Variants in C1orf87 observed in about 807,000 individuals in gnomAD.
The protein encoded by C1orf87 is chromosome 1 open reading frame 87, also known as uncharacterized protein C1orf87.
A neutral mutation model predicts 60.5 loss-of-function variants in C1orf87; 58 were observed. The ratio of observed to expected loss-of-function variants is 0.96; its 90% CI spans 0.78 to 1.19. The LOEUF (loss-of-function observed/expected upper bound fraction) is 1.19, where lower values mean the gene tolerates loss of function less well. Among genes scored for constraint, C1orf87 ranks in the 50% most tolerant of loss-of-function variants. The pLI is 0.00. For synonymous variants in C1orf87, 236 were observed against 227.4 expected (o/e 1.04, Z -0.34); for missense variants, 673 against 638.6 (o/e 1.05, Z -0.58).
chr1:59,992,956 C>T (rs939427855), intron 11 of C1orf87, among the ~76,000 whole-genome samples: 15 of 152,176 alleles, frequency 9.9e-5, no homozygotes, highest in African/African-American at 2.4e-5. Flanking sequence ...TGGCCAATTG[C>T]ATCTTCGAAG....
At chr1:60,022,755 TG>T (rs1557464272) in intron 8 of C1orf87, among the ~76,000 whole-genome samples, 1 of 152,074 alleles carries the variant, frequency 6.6e-6, no homozygotes, top group Non-Finnish European at 1.5e-5. Flanking sequence ...ACTACTTTTT[TG>T]CTTTGAGGCT....
chr1:60,008,748 A>G (rs1645063403), intron 9 of C1orf87: 4 of 451,276 alleles, frequency 8.9e-6, no homozygotes, highest in South Asian at 6.3e-5. Context: ...ACATCACTTC[A>G]ATGGTCTCCT....
intron 2 of C1orf87, among the ~76,000 whole-genome samples, chr1:60,060,469 C>G (rs1055139000): frequency 6.6e-6 from 1 of 152,146 alleles, no homozygotes; most frequent in Non-Finnish European, 1.5e-5. Context: ...TTTATACACA[C>G]ACTCCTCATC....
intron 7 of C1orf87, among the ~76,000 whole-genome samples, chr1:60,026,809 G>A (rs746020681): frequency 6.6e-6 from 1 of 152,064 alleles, no homozygotes; most frequent in Admixed American, 6.5e-5. Flanking sequence ...AGTGCTGACA[G>A]GTCACCACAA....
At chr1:60,039,429 G>A (rs1645301968) in intron 5 of C1orf87, among the ~76,000 whole-genome samples, 1 of 152,204 alleles carries the variant, frequency 6.6e-6, no homozygotes, top group East Asian at 1.9e-4. Context: ...TTAGCATGGT[G>A]TCTGCCATTA....
intron 2 of C1orf87, among the ~76,000 whole-genome samples, chr1:60,057,780 G>C (rs958024748): frequency 1.2e-4 from 19 of 152,190 alleles, no homozygotes; most frequent in Non-Finnish European, 4.4e-5. Context: ...CTGAATTAAG[G>C]GCAGATGGTT....
chr1:60,027,548 T>C (rs1054550062), intron 7 of C1orf87, among the ~76,000 whole-genome samples: 6 of 152,194 alleles, frequency 3.9e-5, no homozygotes, highest in Non-Finnish European at 8.8e-5. Context: ...AGTCATCTCA[T>C]CTCCTGATCT....
intron 7 of C1orf87, among the ~76,000 whole-genome samples, chr1:60,025,753 A>G (rs1645194555): frequency 6.6e-6 from 1 of 152,184 alleles, no homozygotes; most frequent in Non-Finnish European, 1.5e-5. Context: ...CTCAGAAGTC[A>G]CTGGGGTTTG....
At chr1:59,999,625 A>G (rs934430043) in intron 10 of C1orf87, among the ~76,000 whole-genome samples, 2 of 152,146 alleles carry the variant, frequency 1.3e-5, no homozygotes, top group African/African-American at 4.8e-5. Flanking sequence ...GTAACTAACA[A>G]TGTAACTAAT....
At chr1:59,995,875 C>T (rs1644960137) in intron 11 of C1orf87, among the ~76,000 whole-genome samples, 1 of 152,166 alleles carries the variant, frequency 6.6e-6, no homozygotes, top group Non-Finnish European at 1.5e-5. Context: ...TGTTTGTTTA[C>T]TGGCACTGAA....
intron 8 of C1orf87, among the ~76,000 whole-genome samples, chr1:60,013,103 ATGATG>A (rs1645100439): frequency 6.6e-6 from 1 of 152,116 alleles, no homozygotes; most frequent in Admixed American, 6.6e-5. Flanking sequence ...TTTTGTTGGA[ATGATG>A]TGAATACATT....
At chr1:60,049,417 T>C (rs1230201969) in intron 3 of C1orf87, among the ~76,000 whole-genome samples, 2 of 152,134 alleles carry the variant, frequency 1.3e-5, no homozygotes, top group African/African-American at 4.8e-5. Context: ...GAACTGCCTG[T>C]TCATGTATTT....
intron 3 of C1orf87, among the ~76,000 whole-genome samples, chr1:60,043,353 G>A (rs1383445695): frequency 1.3e-5 from 2 of 152,088 alleles, no homozygotes; most frequent in African/African-American, 4.8e-5. Flanking sequence ...ACTAGGATGA[G>A]GGAGATTCAC....
chr1:60,064,777 A>G (rs1333741037), intron 2 of C1orf87, among the ~76,000 whole-genome samples: 2 of 94,936 alleles, frequency 2.1e-5, no homozygotes, highest in Non-Finnish European at 3.7e-5. Flanking sequence ...TATATTTAAT[A>G]TATAAATATA....
chr1:60,008,781 A>G, intron 9 of C1orf87: 1 of 436,728 alleles, frequency 2.3e-6, no homozygotes, highest in South Asian at 1.6e-5. Flanking sequence ...GATGCTTTGT[A>G]AGAGATCCAA....
intron 7 of C1orf87, among the ~76,000 whole-genome samples, chr1:60,030,631 T>C (rs1316136063): frequency 6.6e-6 from 1 of 152,266 alleles, no homozygotes. Context: ...AGTTCAAATG[T>C]TGAAGAATAT....
intron 2 of C1orf87, 128 bp from the exon 3 acceptor site, chr1:60,055,566 A>G (rs550104466): frequency 1.4e-6 from 1 of 712,882 alleles, no homozygotes; most frequent in East Asian, 2.7e-5. Context: ...ATGTGGAAGC[A>G]TAAACATTGG....
At chr1:60,039,668 A>G (rs1645304664) in intron 5 of C1orf87, among the ~76,000 whole-genome samples, 1 of 152,246 alleles carries the variant, frequency 6.6e-6, no homozygotes, top group Non-Finnish European at 1.5e-5. Flanking sequence ...TAACATTGTT[A>G]AAAGCTGACA....
chr1:59,997,430 G>A (rs1644970968), intron 11 of C1orf87, among the ~76,000 whole-genome samples, 179 bp downstream of exon 11: 1 of 152,176 alleles, frequency 6.6e-6, no homozygotes, highest in African/African-American at 2.4e-5. Context: ...TAAGCAATCT[G>A]GTATGGGATT....
Sources: allele counts gnomAD v4.1 joint callset (sites outside exome capture counted in the v4.1 genomes callset), GRCh38; gene constraint gnomAD v4.1.1; transcripts MANE v1.5; gene names NCBI Gene and HGNC (gene_info 2026-07-23, HGNC 2026-07-21).